The following AKAP9 variants were observed in gnomAD, a reference collection of about 807,000 sequenced individuals.
The protein encoded by AKAP9 is A-kinase anchor protein 9.
AKAP9 carries 311 observed loss-of-function variants against 488.5 expected under a neutral mutation model. That is an observed-to-expected ratio of 0.64 (90% CI 0.58 to 0.70). The LOEUF is 0.70. Among genes scored for constraint, AKAP9 ranks in the 30% least tolerant of loss-of-function variants. The pLI, the probability that AKAP9 is intolerant of heterozygous loss-of-function variation, is 0.00. For synonymous variants in AKAP9, 1,462 were observed against 1,483.5 expected, an observed-to-expected ratio of 0.99 and a Z score of 0.33; for missense variants, 4,215 against 4,374.5, an observed-to-expected ratio of 0.96 and a Z score of 1.03.
chr7:92,106,789 G>A (rs1449059627), intron 47 of AKAP9, among the ~76,000 whole-genome samples: 1 of 152,084 alleles, frequency 6.6e-6, no homozygotes, highest in Non-Finnish European at 1.5e-5. Context: ...TCCTACAGAG[G>A]GGAAATAGAT....
At chr7:91,979,531 A>T (rs528810874) in intron 2 of AKAP9, among the ~76,000 whole-genome samples, 1 of 152,302 alleles carries the variant, frequency 6.6e-6, no homozygotes, top group South Asian at 2.1e-4. Context: ...GTATAGTCCA[A>T]CACCCCCAGT....
chr7:92,104,190 A>ATTT (rs879741854), intron 46 of AKAP9, among the ~76,000 whole-genome samples: 2 of 142,658 alleles, frequency 1.4e-5, no homozygotes, highest in African/African-American at 5.3e-5. Context: ...TTATTTATTT[A>ATTT]TTTTTTTTTT....
At chr7:92,102,441 T>G in intron 45 of AKAP9, 153 bp from the exon 46 acceptor site, 33 of 563,034 alleles carry the variant, frequency 5.9e-5, no homozygotes, top group East Asian at 1.8e-4. Context: ...AACCTGCCGT[T>G]TTACTATTAC....
intron 16 of AKAP9, 142 bp downstream of exon 16, chr7:92,031,746 T>C (rs189421657): frequency 2.3e-5 from 15 of 662,138 alleles, no homozygotes; most frequent in Admixed American, 5.9e-5. Flanking sequence ...ATATCAATTA[T>C]AGTTGCCTTT....
At chr7:92,024,793 A>G (rs763320801) in intron 14 of AKAP9, among the ~76,000 whole-genome samples, 2 of 152,062 alleles carry the variant, frequency 1.3e-5, no homozygotes, top group Non-Finnish European at 2.9e-5. Flanking sequence ...AAACCTCAAC[A>G]CAGTTTTTTT....
chr7:92,082,743 A>G, intron 32 of AKAP9, 81 bp downstream of exon 32: 2 of 1,451,618 alleles, frequency 1.4e-6, no homozygotes, highest in South Asian at 1.2e-5. Context: ...CTTTTATAAC[A>G]AATGAGCTCC....
rs551204201 is a variant in AKAP9, at chr7:91,973,904, C to A, written c.242C>A (p.Ser81Tyr). The change falls in exon 2 of 50, where the codon TCT becomes TAT. Residue 81 changes from serine to tyrosine, a missense_variant. Around this residue, in one of 5 missense-constraint regions of AKAP9, gnomAD observed 2,361 missense variants for 2,430.0 expected, o/e 0.97. Coordinates refer to ENST00000356239, the MANE Select transcript of AKAP9 (RefSeq NM_005751.5). ...QRVESTVIPE[S>Y]TIMRTLHSGE... is the part of the protein sequence containing the mutation. ...GTAGAATCAACTGTGATTCCTGAAT[C>A]TACAATAATGAGAACTCTACATAGT... is the stretch of plus-strand genomic sequence containing the variant. 11 of 1,613,850 alleles carry A rather than the reference C, an allele frequency of 6.8e-6. No individual in the cohort carries two copies. The highest frequency in any genetic ancestry group is 3.3e-5 in the South Asian group (3 of 91,054).
chr7:92,083,622 G>A lies in AKAP9; in HGVS notation c.8613G>A (p.Leu2871=), dbSNP rs780211536. ...TACTGAAAGAGGAATGTGGTACCTT[G>A]AAGGCAGTGATACAGTGTCTGAGAA... ...VQLLKEECGT[L]KAVIQCLRSK... Residue 2871 remains leucine, a synonymous_variant, in exon 33 of 50, where the codon TTG becomes TTA. Transcript: ENST00000356239. The A allele has an allele frequency of 1.9e-6, 3 of 1,609,414 alleles. No homozygotes were observed. Among genetic ancestry groups the A allele is most frequent in the Non-Finnish European group, 2.5e-6 (3 of 1,178,950 alleles).
intron 1 of AKAP9, among the ~76,000 whole-genome samples, chr7:91,942,439 T>C (rs1790884282): frequency 6.6e-6 from 1 of 152,138 alleles, no homozygotes; most frequent in South Asian, 2.1e-4. Flanking sequence ...CTATAAATGG[T>C]GGGAAAGGGG....
intron 44 of AKAP9, among the ~76,000 whole-genome samples, chr7:92,100,432 A>G (rs1337009111): frequency 6.6e-6 from 1 of 152,230 alleles, no homozygotes; most frequent in African/African-American, 2.4e-5. Flanking sequence ...CTGTAAGACA[A>G]CTGTGTGGTT....
At chr7:92,032,980 T>C (rs1804539167) in intron 16 of AKAP9, among the ~76,000 whole-genome samples, 1 of 151,090 alleles carries the variant, frequency 6.6e-6, no homozygotes, top group Non-Finnish European at 1.5e-5. Context: ...TCTCAGCGTT[T>C]TATATGTTGA....
At chr7:92,062,565 CT>C in intron 24 of AKAP9, 79 bp downstream of exon 24, 1 of 1,144,482 alleles carries the variant, frequency 8.7e-7, no homozygotes, top group Non-Finnish European at 1.3e-6. Flanking sequence ...GGCTTTTTTC[CT>C]CTTTCAGTGC....
intron 3 of AKAP9, among the ~76,000 whole-genome samples, chr7:91,986,329 A>G (rs1278292104): frequency 6.6e-6 from 1 of 152,154 alleles, no homozygotes; most frequent in Non-Finnish European, 1.5e-5. Context: ...GGAAAGGGAA[A>G]TCCTCCAACC....
At chr7:92,074,465 G>A (rs1162708953) in intron 28 of AKAP9, among the ~76,000 whole-genome samples, 1 of 152,138 alleles carries the variant, frequency 6.6e-6, no homozygotes, top group Non-Finnish European at 1.5e-5. Context: ...GATTCCTCAA[G>A]GATCTAGAAC....
At chr7:92,075,338 G>A (rs1812412999) in intron 28 of AKAP9, among the ~76,000 whole-genome samples, 1 of 152,210 alleles carries the variant, frequency 6.6e-6, no homozygotes. Context: ...CATCAAAGTA[G>A]TTACAGAAAT....
rs1813178851 is a variant in AKAP9 at position 92,079,578 on chromosome 7, A to T, written c.7445A>T (p.Tyr2482Phe). 1 of 1,613,670 alleles carries T rather than the reference A, an allele frequency of 6.2e-7. No homozygotes were observed. The highest frequency in any genetic ancestry group is 8.5e-7 in the Non-Finnish European group (1 of 1,180,002). ...CTTAAATCCCTAGAAAATCAGACATACTTCAAATCTTTTGAAGAAAATGGC... is the reference window on the plus strand; with the variant it reads ...CTTAAATCCCTAGAAAATCAGACATTCTTCAAATCTTTTGAAGAAAATGGC... ...DALKSLENQT[Y>F]FKSFEENGKG... Residue 2482 changes from tyrosine to phenylalanine, a missense_variant, in exon 31 of 50, where the codon TAC (tyrosine) becomes TTC (phenylalanine). By Grantham distance (22) the Tyr-to-Phe change is conservative (BLOSUM62 3). This residue lies in a region of AKAP9 where 1,476 missense variants were observed against 1,477.4 expected (regional missense o/e 1.00). Transcript: ENST00000356239.
chr7:91,992,075 G>C, intron 3 of AKAP9, 83 bp from the exon 4 acceptor site: 1 of 1,130,742 alleles, frequency 8.8e-7, no homozygotes, highest in Non-Finnish European at 1.3e-6. Context: ...AGACATACAC[G>C]TGAATACAGT....
Position 92,083,261 on chromosome 7 carries a change from A to G in AKAP9, c.8252A>G (p.Glu2751Gly), listed in dbSNP as rs1195981813. 6.2e-7 allele frequency: 1 copy of G among 1,614,140 alleles called. No homozygotes were observed. Among genetic ancestry groups the G allele is most frequent in the Non-Finnish European group, 8.5e-7 (1 of 1,180,012 alleles). ...AEAKEKLSIL[E>G]KEDETEVQES... is the part of the protein sequence containing the mutation. ...GCAAAAGAGAAATTGTCCATTTTAG[A>G]AAAAGAAGATGAGACTGAGGTACAA... The change falls in exon 33 of 50, where the codon GAA becomes GGA. Residue 2751 changes from glutamate (E) to glycine (G), a missense_variant. This residue lies in a region of AKAP9 where 1,476 missense variants were observed against 1,477.4 expected (regional missense o/e 1.00). Coordinates refer to ENST00000356239, the MANE Select transcript of AKAP9 (RefSeq NM_005751.5).
At chr7:92,102,383 T>C (rs1817678569) in intron 45 of AKAP9, among the ~76,000 whole-genome samples, 1 of 151,328 alleles carries the variant, frequency 6.6e-6, no homozygotes, top group African/African-American at 2.4e-5. Flanking sequence ...TAAAGGTTAA[T>C]TTATCTGAAA....
Sources: gnomAD v4.1 joint callset for allele counts (sites outside exome capture counted in the v4.1 genomes callset) on GRCh38, gnomAD v4.1.1 for gene constraint, gnomAD v4.1.1 regional missense constraint, MANE v1.5 for transcripts, NCBI Gene and HGNC (gene_info 2026-07-23, HGNC 2026-07-21) for gene names.